The following LRRC74B variants were observed in gnomAD, a reference collection of about 807,000 sequenced individuals.
The protein encoded by LRRC74B is leucine-rich repeat-containing protein 74B.
LRRC74B carries 30 observed loss-of-function variants against 16.6 expected under a neutral mutation model. That is an observed-to-expected ratio of 1.80 (90% CI 1.35 to 2.45). The LOEUF is 2.45. Ranked by LOEUF, LRRC74B falls within the 30% of genes most tolerant of loss-of-function variation. The probability of loss-of-function intolerance (pLI) is 0.00; values close to 1 mark genes in which losing one functional copy is unlikely to be tolerated. For synonymous variants in LRRC74B, 134 were observed against 86.0 expected, an observed-to-expected ratio of 1.56 and a Z score of -3.09; for missense variants, 326 against 202.4, an observed-to-expected ratio of 1.61 and a Z score of -3.71.
chr22:21,047,026 G>C (rs932380008), intron 1 of LRRC74B, among the ~76,000 whole-genome samples: 6 of 151,820 alleles, frequency 4.0e-5, no homozygotes, highest in Admixed American at 2.6e-4. Flanking sequence ...CTGGGAGGCA[G>C]AGGTTTCAGT....
At chr22:21,056,920 T>A (rs921890211) in intron 7 of LRRC74B, 185 bp from the exon 8 acceptor site, 9 of 586,516 alleles carry the variant, frequency 1.5e-5, no homozygotes, top group Admixed American at 1.5e-4. Flanking sequence ...CCTTCCTTTC[T>A]TCCCTGACCC....
chr22:21,047,200 T>G (rs989419007), intron 1 of LRRC74B, among the ~76,000 whole-genome samples, 156 bp from the exon 2 acceptor site: 1 of 152,170 alleles, frequency 6.6e-6, no homozygotes, highest in African/African-American at 2.4e-5. Flanking sequence ...TGAGGCTTGA[T>G]GTCCTCATCT....
At chr22:21,050,325 G>A (rs1569196529) in intron 4 of LRRC74B, among the ~76,000 whole-genome samples, 2 of 151,558 alleles carry the variant, frequency 1.3e-5, no homozygotes, top group Non-Finnish European at 2.9e-5. Context: ...GTGGGCCACC[G>A]CGCCTGGCCG....
downstream of LRRC74B, chr22:21,064,072 C>G (rs747606990): frequency 6.5e-6 from 1 of 152,746 alleles, no homozygotes; most frequent in Admixed American, 6.5e-5. Context: ...TATCCATGCC[C>G]GGGGGCAATT....
chr22:21,046,773 A>C (rs1399811552), intron 1 of LRRC74B, among the ~76,000 whole-genome samples: 2 of 152,018 alleles, frequency 1.3e-5, no homozygotes, highest in Non-Finnish European at 2.9e-5. Context: ...CTGGGACTAC[A>C]GGAGACCACC....
intron 8 of LRRC74B, among the ~76,000 whole-genome samples, chr22:21,059,387 CTG>C (rs1316760244): frequency 6.6e-6 from 1 of 152,054 alleles, no homozygotes; most frequent in African/African-American, 2.4e-5. Flanking sequence ...GAGTGAAACT[CTG>C]TGTTGTAAAA....
chr22:21,046,149 C>G (rs1371914291), intron 1 of LRRC74B, 24 bp downstream of exon 1: 1 of 715,274 alleles, frequency 1.4e-6, no homozygotes, highest in Non-Finnish European at 2.6e-6. Context: ...GGGGCAGGCC[C>G]GACTCCTCCC....
chr22:21,062,263 G>GAAATCTAAATTTGAT (rs1423622365), downstream of LRRC74B: 2 of 152,260 alleles, frequency 1.3e-5, no homozygotes, highest in Non-Finnish European at 2.9e-5. Context: ...GGTGATAAAA[G>GAAATCTAAATTTGAT]TGTTCTAAAA....
In LRRC74B at chr22:21,053,395, C is replaced by A. The variant is rs569519133; in HGVS notation, c.768C>A (p.Tyr256Ter). The A allele has an allele frequency of 2.4e-4, 169 of 717,424 alleles. 1 individual carries two copies. The highest frequency in any genetic ancestry group is 2.3e-3 in the South Asian group (158 of 67,494). 44.4% of individuals were successfully genotyped at this position (717,424 alleles called of 1,614,324 possible). Residue 256 changes from tyrosine (Y) to a stop codon, truncating the protein, a stop_gained, in exon 6 of 9, where the codon TAC becomes TAA. Transcript: ENST00000442047. LOFTEE classifies it high-confidence loss of function. The stretch of plus-strand genomic sequence containing the variant: ...TCCTTAAAGTTCTAGACATCTCATA[C>A]AATGGCTTTGGGGATCCTGGAGCCT...
intron 4 of LRRC74B, among the ~76,000 whole-genome samples, chr22:21,050,155 G>A (rs1286572986): frequency 6.6e-6 from 1 of 152,106 alleles, no homozygotes; most frequent in Non-Finnish European, 1.5e-5. Context: ...TCCTGCCTCA[G>A]CCTCCTGAGT....
At chr22:21,060,140 A>C (rs1056753563) in intron 8 of LRRC74B, among the ~76,000 whole-genome samples, 5 of 152,172 alleles carry the variant, frequency 3.3e-5, no homozygotes, top group African/African-American at 9.7e-5. Context: ...ACTGCACTCC[A>C]GCCTGGTGAC....
intron 5 of LRRC74B, 62 bp downstream of exon 5, chr22:21,052,420 C>T (rs1304022916): frequency 1.4e-6 from 1 of 711,820 alleles, no homozygotes; most frequent in Non-Finnish European, 2.6e-6. Flanking sequence ...TCCCAGGGGC[C>T]ACCTCCCTGT....
At chr22:21,063,321 TA>T (rs1317908510), downstream of LRRC74B, 1 of 152,012 alleles carries the variant, frequency 6.6e-6, no homozygotes, top group African/African-American at 2.4e-5. Context: ...CCCTTCTCAC[TA>T]AAAAAGTGAG....
chr22:21,053,507 C>T (rs1930238276), intron 6 of LRRC74B, 32 bp downstream of exon 6: 1 of 711,010 alleles, frequency 1.4e-6, no homozygotes, highest in Non-Finnish European at 2.6e-6. Flanking sequence ...CCCCAGGAAT[C>T]ATGGGCTCCA....
chr22:21,059,458 AG>A (rs1314897533), intron 8 of LRRC74B, among the ~76,000 whole-genome samples: 1 of 152,224 alleles, frequency 6.6e-6, no homozygotes, highest in Non-Finnish European at 1.5e-5. Flanking sequence ...GCTACTCGGG[AG>A]GCTGAGGCAG....
downstream of LRRC74B, chr22:21,062,409 G>C (rs1930849840): frequency 6.6e-6 from 1 of 152,184 alleles, no homozygotes; most frequent in Non-Finnish European, 1.5e-5. Flanking sequence ...GTTGAGCCTA[G>C]TGGTATTAAA....
intron 4 of LRRC74B, among the ~76,000 whole-genome samples, chr22:21,051,281 C>T (rs550491976): frequency 1.3e-5 from 2 of 152,256 alleles, no homozygotes; most frequent in South Asian, 2.1e-4. Flanking sequence ...TATAAATGTT[C>T]GCTTTGGTGT....
chr22:21,058,765 T>C (rs1456498040), intron 8 of LRRC74B, among the ~76,000 whole-genome samples: 1 of 152,200 alleles, frequency 6.6e-6, no homozygotes, highest in Non-Finnish European at 1.5e-5. Flanking sequence ...CTAAAAGAAA[T>C]AGAATGTCAT....
exon 6 of LRRC74B, chr22:21,053,447 A>G: frequency 1.4e-6 from 1 of 717,332 alleles, no homozygotes; most frequent in Non-Finnish European, 2.6e-6. Flanking sequence ...TCTGAAGGCC[A>G]ACAACGTGTT....
Sources: gnomAD v4.1 joint callset for allele counts (sites outside exome capture counted in the v4.1 genomes callset) on GRCh38, gnomAD v4.1.1 for gene constraint, MANE v1.5 for transcripts, NCBI Gene and HGNC (gene_info 2026-07-23, HGNC 2026-07-21) for gene names.